SGCZ: variants seen among roughly 807,000 people sequenced by gnomAD.
SGCZ encodes sarcoglycan zeta.
A neutral mutation model predicts 41.3 loss-of-function variants in SGCZ; 40 were observed. The observed-to-expected ratio is 0.97, with a 90% CI of 0.75 to 1.26. SGCZ has a LOEUF of 1.26. Ranked by LOEUF, SGCZ falls within the 50% of genes most tolerant of loss-of-function variation. SGCZ has a pLI of 0.00. For missense variants in SGCZ, 552 were observed against 369.8 expected, an observed-to-expected ratio of 1.49 and a Z score of -4.04; for synonymous variants, 206 against 137.5, an observed-to-expected ratio of 1.50 and a Z score of -3.49.
At chr8:14,128,920 G>A (rs1397383671) in intron 5 of SGCZ, among the ~76,000 whole-genome samples, 1 of 152,130 alleles carries the variant, frequency 6.6e-6, no homozygotes, top group Non-Finnish European at 1.5e-5. Context: ...TGACAATAGA[G>A]ACTCCAAAAG....
chr8:14,326,414 C>T (rs35689103), intron 2 of SGCZ, among the ~76,000 whole-genome samples: 30,452 of 151,644 alleles, frequency 0.2, 3,771 homozygotes, highest in Non-Finnish European at 0.29. Flanking sequence ...GAGAAAAAAA[C>T]GAATAGGATT....
chr8:14,482,706 G>A (rs374403376), intron 2 of SGCZ, among the ~76,000 whole-genome samples: 32 of 152,126 alleles, frequency 2.1e-4, no homozygotes, highest in African/African-American at 7.2e-4. Context: ...CAATGAGGGT[G>A]GGGATCATAC....
chr8:14,524,395 C>A (rs1028606683), intron 2 of SGCZ, among the ~76,000 whole-genome samples: 14 of 151,940 alleles, frequency 9.2e-5, no homozygotes, highest in African/African-American at 3.4e-4. Flanking sequence ...TCTCCAGTGA[C>A]AGCTTCCTAG....
In SGCZ at chr8:14,873,204, C is replaced by G. The variant is rs192822591; in HGVS notation, c.40-318278G>C. On this transcript the variant is annotated intron_variant, in intron 1 of 7. Transcript: ENST00000382080. ...GGAGGTAGTAGAGGAATAGCTTTGGCTGGAAGACTGAGATAAATCACCTGA... is the reference window on the plus strand; with the variant it reads ...GGAGGTAGTAGAGGAATAGCTTTGGGTGGAAGACTGAGATAAATCACCTGA... 6.3e-4 allele frequency among the ~76,000 whole-genome samples: 96 copies of G among 152,176 alleles called. 1 individual carries two copies. The highest frequency in any genetic ancestry group is 4.1e-3 in the Admixed American group (63 of 15,246).
In SGCZ at chr8:14,747,190, G is replaced by A. The variant is rs143300665; in HGVS notation, c.40-192264C>T. Among the ~76,000 whole-genome samples, 182 of 152,300 alleles carry A rather than the reference G, an allele frequency of 1.2e-3. 1 individual carries two copies. The highest frequency in any genetic ancestry group is 0.01 in the Middle Eastern group (3 of 294). On this transcript the variant is annotated intron_variant, in intron 1 of 7. Transcript: ENST00000382080. ...CACTCATTCCACCCACATTGTCAAT[G>A]AAGCACCGTGTTAGGACCACAGACA...
At chr8:14,678,470 G>A (rs1808343020) in intron 1 of SGCZ, among the ~76,000 whole-genome samples, 3 of 152,122 alleles carry the variant, frequency 2.0e-5, no homozygotes, top group Admixed American at 1.3e-4. Context: ...GAAATGCAAA[G>A]TAAAACAACA....
intron 3 of SGCZ, among the ~76,000 whole-genome samples, chr8:14,298,604 A>G (rs1004315551): frequency 6.6e-6 from 1 of 151,972 alleles, no homozygotes; most frequent in Admixed American, 6.6e-5. Flanking sequence ...TAAAAATTTT[A>G]TATACTCAGA....
At chr8:14,220,797 A>ACAAACAAG (rs1806166980) in intron 4 of SGCZ, among the ~76,000 whole-genome samples, 1 of 151,654 alleles carries the variant, frequency 6.6e-6, no homozygotes, top group Non-Finnish European at 1.5e-5. Flanking sequence ...AAACAAACAA[A>ACAAACAAG]CAAACAAACA....
chr8:14,444,779 T>C (rs1048780660), intron 2 of SGCZ, among the ~76,000 whole-genome samples: 3 of 152,078 alleles, frequency 2.0e-5, no homozygotes, highest in Non-Finnish European at 4.4e-5. Flanking sequence ...AACCGGCATA[T>C]TGGGCACATG....
intron 2 of SGCZ, among the ~76,000 whole-genome samples, chr8:14,528,526 A>G (rs564344264): frequency 7.0e-4 from 107 of 152,258 alleles, no homozygotes; most frequent in Non-Finnish European, 1.3e-3. Flanking sequence ...GCTTTGTGAC[A>G]TTGAGTAAGT....
chr8:14,085,329 A>AT lies in SGCZ; in HGVS notation c.*5113dup, dbSNP rs1284609083. 1.3e-5 allele frequency among the ~76,000 whole-genome samples: 2 copies of AT among 151,802 alleles called. No individual in the cohort carries two copies. Among genetic ancestry groups the AT allele is most frequent in the Non-Finnish European group, 2.9e-5 (2 of 67,818 alleles). ...ACAAAATAAATGAATAGTGGACCTG[A>AT]TTTAAAGAATTGTATAAATAACGAG... On this transcript the variant is annotated 3_prime_UTR_variant, in exon 8 of 8. Coordinates refer to ENST00000382080, the MANE Select transcript of SGCZ (RefSeq NM_139167.4).
intron 1 of SGCZ, among the ~76,000 whole-genome samples, chr8:14,688,537 C>T (rs1808693198): frequency 6.6e-6 from 1 of 152,128 alleles, no homozygotes; most frequent in Non-Finnish European, 1.5e-5. Context: ...GGGCTCTGTT[C>T]TGTTCCACTG....
At chr8:14,867,460 A>T (rs977042724) in intron 1 of SGCZ, among the ~76,000 whole-genome samples, 1 of 152,140 alleles carries the variant, frequency 6.6e-6, no homozygotes, top group Admixed American at 6.6e-5. Context: ...TCCTTTGGGC[A>T]TACGTCCAGT....
intron 1 of SGCZ, among the ~76,000 whole-genome samples, chr8:15,096,847 G>A (rs1436556971): frequency 2.0e-5 from 3 of 151,842 alleles, no homozygotes; most frequent in East Asian, 1.9e-4. Flanking sequence ...CACCACACCT[G>A]GCTAATTTTT....
intron 1 of SGCZ, among the ~76,000 whole-genome samples, chr8:14,877,878 T>A (rs968173018): frequency 3.9e-5 from 6 of 152,176 alleles, no homozygotes; most frequent in Non-Finnish European, 1.5e-5. Flanking sequence ...CTTTCTGTTA[T>A]TACATTTATG....
intron 1 of SGCZ, among the ~76,000 whole-genome samples, chr8:14,637,132 T>G (rs1391978246): frequency 6.6e-6 from 1 of 151,672 alleles, no homozygotes; most frequent in African/African-American, 2.4e-5. Context: ...TTCTCATACC[T>G]CTGAATTTAC....
chr8:14,348,856 C>T (rs1203220585), intron 2 of SGCZ, among the ~76,000 whole-genome samples: 1 of 152,078 alleles, frequency 6.6e-6, no homozygotes, highest in African/African-American at 2.4e-5. Flanking sequence ...CTAAACTTTA[C>T]AAAACTCTTC....
chr8:15,145,070 G>A (rs143908068), intron 1 of SGCZ, among the ~76,000 whole-genome samples: 1 of 152,238 alleles, frequency 6.6e-6, no homozygotes, highest in African/African-American at 2.4e-5. Context: ...ATCTTTAAAT[G>A]ATTGCACAGA....
chr8:14,908,015 C>G (rs1173909586), intron 1 of SGCZ, among the ~76,000 whole-genome samples: 2 of 152,108 alleles, frequency 1.3e-5, no homozygotes, highest in Non-Finnish European at 2.9e-5. Context: ...AATTGGTATG[C>G]TTTTTCTTTT....
Sources: allele counts gnomAD v4.1 joint callset (sites outside exome capture counted in the v4.1 genomes callset), GRCh38; gene constraint gnomAD v4.1.1; transcripts MANE v1.5; gene names NCBI Gene and HGNC (gene_info 2026-07-23, HGNC 2026-07-21).